CNTN1: variants seen among roughly 807,000 people sequenced by gnomAD.
The protein encoded by CNTN1 is contactin-1.
Under a neutral mutation model 126.4 loss-of-function variants are expected in CNTN1, and 38 were observed. The observed-to-expected ratio is 0.30, with a 90% CI of 0.23 to 0.39. The LOEUF (loss-of-function observed/expected upper bound fraction) is 0.39. Among genes scored for constraint, CNTN1 ranks in the 10% least tolerant of loss-of-function variants. CNTN1 has a pLI of 1.00. For synonymous variants in CNTN1, 413 were observed against 422.6 expected (o/e 0.98, Z 0.28); for missense variants, 1,009 against 1,248.4 (o/e 0.81, Z 2.89).
chr12:40,927,966 A>G (rs1035855073), intron 6 of CNTN1, among the ~76,000 whole-genome samples: 1 of 152,094 alleles, frequency 6.6e-6, no homozygotes, highest in African/African-American at 2.4e-5. Flanking sequence ...GAAACTGAGT[A>G]ATAGAGTGAC....
rs184353877 is a variant in CNTN1 at position 41,070,382 on chromosome 12, T to C, written c.*347T>C. 2.0e-4 allele frequency: 68 copies of C among 343,026 alleles called. No homozygotes were observed. The highest frequency in any genetic ancestry group is 2.6e-4 in the Non-Finnish European group (47 of 179,962). 21.2% of individuals were successfully genotyped at this position (343,026 alleles called of 1,614,324 possible). ...CTGTAGAGTGAAAGTCAAATCACCA[T>C]ATACAGGTGCTTTAAATTTAATAAC... On this transcript the variant is annotated 3_prime_UTR_variant, in exon 24 of 24. Coordinates refer to ENST00000551295, the MANE Select transcript of CNTN1 (RefSeq NM_001843.4).
At chr12:40,875,912 G>C (rs1175084472) in intron 1 of CNTN1, among the ~76,000 whole-genome samples, 1 of 152,022 alleles carries the variant, frequency 6.6e-6, no homozygotes, top group Non-Finnish European at 1.5e-5. Flanking sequence ...ATCACATCCT[G>C]ACTTATTCTT....
At chr12:41,038,308 G>C (rs1949315151) in intron 23 of CNTN1, among the ~76,000 whole-genome samples, 1 of 152,120 alleles carries the variant, frequency 6.6e-6, no homozygotes, top group South Asian at 2.1e-4. Context: ...GTTTTCTAGA[G>C]CTGTCATGAC....
rs1946354785 is a variant in CNTN1 at position 40,944,082 on chromosome 12, C to T, written c.1595C>T (p.Pro532Leu). The change falls in exon 14 of 24, where the codon CCT (proline) becomes CTT (leucine). Residue 532 changes from proline to leucine, a missense_variant. Coordinates refer to ENST00000551295, the MANE Select transcript of CNTN1 (RefSeq NM_001843.4). ...ATGCAGTGTGCTGCGTCCTTTGATC[C>T]TGCCTTGGATCTCACATTTGTTTGG... is the stretch of plus-strand genomic sequence containing the variant. ...ATMQCAASFDPALDLTFVWSF... is the reference protein window; with the variant it reads ...ATMQCAASFDLALDLTFVWSF... 3 of 1,613,544 alleles carry T rather than the reference C, an allele frequency of 1.9e-6. No homozygotes were observed. In the South Asian group the frequency reaches 3.3e-5, roughly 18 times the overall value.
At chr12:40,850,892 C>T (rs12319935) in intron 1 of CNTN1, among the ~76,000 whole-genome samples, 24,680 of 152,090 alleles carry the variant, frequency 0.16, 3,188 homozygotes, top group African/African-American at 0.36. Context: ...TTTAAAATAC[C>T]ATTTTCTTGG....
intron 1 of CNTN1, among the ~76,000 whole-genome samples, chr12:40,760,859 C>A (rs1236361416): frequency 9.5e-6 from 1 of 105,306 alleles, no homozygotes; most frequent in African/African-American, 3.3e-5. Flanking sequence ...ACACACACTT[C>A]CACTTTGATA....
chr12:40,724,267 C>G (rs1942296090), intron 1 of CNTN1, among the ~76,000 whole-genome samples: 1 of 152,136 alleles, frequency 6.6e-6, no homozygotes, highest in South Asian at 2.1e-4. Context: ...CAGTTATGGT[C>G]AGATTCTGCC....
At chr12:41,047,576 C>T (rs966084685) in intron 23 of CNTN1, among the ~76,000 whole-genome samples, 11 of 152,044 alleles carry the variant, frequency 7.2e-5, no homozygotes, top group African/African-American at 2.6e-4. Flanking sequence ...ATCACCCTCT[C>T]CCACCCATTT....
intron 1 of CNTN1, among the ~76,000 whole-genome samples, chr12:40,738,754 G>T (rs924921480): frequency 6.6e-6 from 1 of 151,984 alleles, no homozygotes; most frequent in Admixed American, 6.6e-5. Context: ...AACAGTCAAA[G>T]AAATGCAAAA....
chr12:40,804,841 A>G (rs1436823532), intron 1 of CNTN1, among the ~76,000 whole-genome samples: 1 of 151,930 alleles, frequency 6.6e-6, no homozygotes, highest in Non-Finnish European at 1.5e-5. Context: ...GAAATGCATT[A>G]TCTCAGTCTT....
intron 6 of CNTN1, among the ~76,000 whole-genome samples, chr12:40,925,558 CACGTATATAT>C (rs1446522682): frequency 8.1e-6 from 1 of 123,292 alleles, no homozygotes; most frequent in Non-Finnish European, 1.7e-5. Context: ...TATATATATA[CACGTATATAT>C]ACGTATATAC....
chr12:40,878,736 G>T (rs1305962547), intron 1 of CNTN1, among the ~76,000 whole-genome samples: 5 of 152,014 alleles, frequency 3.3e-5, no homozygotes, highest in African/African-American at 4.8e-5. Flanking sequence ...CCGAAATAGG[G>T]GCCTACTAGA....
intron 1 of CNTN1, among the ~76,000 whole-genome samples, chr12:40,757,578 A>C (rs1335647852): frequency 1.3e-5 from 2 of 152,250 alleles, no homozygotes; most frequent in East Asian, 1.9e-4. Context: ...AATGAACTTG[A>C]AGTACAGTTA....
rs1239303517 is a variant in CNTN1, at chr12:40,816,349, G to A, written c.-76-92008G>A. ...CAGAGCTTGTTATTGGTCTATTCAG[G>A]GATTCAAATTCTTCCTGGTTTAGTC... On this transcript the variant is annotated intron_variant, in intron 1 of 23. Transcript: ENST00000551295. Among the ~76,000 whole-genome samples the A allele has an allele frequency of 3.3e-5, 5 of 152,000 alleles. No individual in the cohort carries two copies. In the East Asian group the frequency reaches 9.6e-4, roughly 29 times the overall value.
At chr12:41,058,182 A>G (rs1397837254) in intron 23 of CNTN1, among the ~76,000 whole-genome samples, 2 of 152,110 alleles carry the variant, frequency 1.3e-5, no homozygotes, top group Non-Finnish European at 2.9e-5. Context: ...AAATGAGTCA[A>G]TGCTCCCAAG....
At chr12:40,874,187 AAATAAT>A (rs1005704282) in intron 1 of CNTN1, among the ~76,000 whole-genome samples, 1 of 152,080 alleles carries the variant, frequency 6.6e-6, no homozygotes, top group Admixed American at 6.6e-5. Context: ...AAAATTAGGT[AAATAAT>A]AATAATAAGA....
chr12:40,727,500 A>G (rs1184485068), intron 1 of CNTN1, among the ~76,000 whole-genome samples: 2 of 152,146 alleles, frequency 1.3e-5, no homozygotes, highest in Admixed American at 1.3e-4. Flanking sequence ...AATTTTAAGA[A>G]CACTATTATA....
intron 18 of CNTN1, among the ~76,000 whole-genome samples, 159 bp from the exon 19 acceptor site, chr12:41,016,523 T>G (rs983195354): frequency 1.3e-5 from 2 of 152,184 alleles, no homozygotes; most frequent in African/African-American, 4.8e-5. Flanking sequence ...ATCCCATGTT[T>G]AAGTATGTTT....
At chr12:40,981,578 T>A (rs546705600) in intron 16 of CNTN1, among the ~76,000 whole-genome samples, 1 of 152,242 alleles carries the variant, frequency 6.6e-6, no homozygotes, top group East Asian at 1.9e-4. Context: ...TTTAAAGACA[T>A]TTTGGATCTT....
Sources: gnomAD v4.1 joint callset for allele counts (sites outside exome capture counted in the v4.1 genomes callset) on GRCh38, gnomAD v4.1.1 for gene constraint, MANE v1.5 for transcripts, NCBI Gene and HGNC (gene_info 2026-07-23, HGNC 2026-07-21) for gene names.